Variants in SCIN observed in about 807,000 individuals in gnomAD.
The protein encoded by SCIN is adseverin.
Under a neutral mutation model 91.8 loss-of-function variants are expected in SCIN, and 91 were observed. The ratio of observed to expected loss-of-function variants is 0.99; its 90% CI spans 0.84 to 1.18. The LOEUF (loss-of-function observed/expected upper bound fraction) is 1.18. SCIN is among the 50% of genes most tolerant of loss of function. The probability of loss-of-function intolerance (pLI) is 0.00; values close to 1 mark genes in which losing one functional copy is unlikely to be tolerated. For missense variants in SCIN, 1,087 were observed against 863.9 expected (o/e 1.26, Z -3.24); for synonymous variants, 367 against 312.6 (o/e 1.17, Z -1.84).
chr7:12,621,175 G>A (rs1353256230), intron 4 of SCIN, among the ~76,000 whole-genome samples: 2 of 152,002 alleles, frequency 1.3e-5, no homozygotes, highest in African/African-American at 4.8e-5. Context: ...TTAAGTGTTG[G>A]ACAACATGGT....
chr7:12,633,662 T>C (rs1159357788), intron 9 of SCIN, among the ~76,000 whole-genome samples: 1 of 152,160 alleles, frequency 6.6e-6, no homozygotes, highest in East Asian at 1.9e-4. Flanking sequence ...TGTTCGGTGG[T>C]TGGATTTCTT....
At chr7:12,605,840 C>T (rs1783071435) in intron 4 of SCIN, among the ~76,000 whole-genome samples, 1 of 152,128 alleles carries the variant, frequency 6.6e-6, no homozygotes, top group African/African-American at 2.4e-5. Flanking sequence ...ATACGCAACA[C>T]ACTTATGATT....
intron 4 of SCIN, among the ~76,000 whole-genome samples, chr7:12,607,110 A>G (rs1160508598): frequency 6.6e-6 from 1 of 152,232 alleles, no homozygotes; most frequent in Non-Finnish European, 1.5e-5. Flanking sequence ...AGAGTGTTAC[A>G]TTAACTATCG....
rs1554295412 is a variant in SCIN at position 12,625,451 on chromosome 7, T to TTC, written c.892+309_892+310insTC. 2.6e-3 allele frequency among the ~76,000 whole-genome samples: 380 copies of TTC among 146,720 alleles called. 5 individuals are homozygous for TTC. Among genetic ancestry groups the TTC allele is most frequent in the Non-Finnish European group, 4.4e-3 (290 of 66,596 alleles). ...CTATTCTTTTTTTTTTTTTTTTTTT[T>TTC]CCGTCGCCCAGGCTGGAGTGCAGCC... On this transcript the variant is annotated intron_variant, in intron 6 of 15. Transcript: ENST00000297029.
chr7:12,616,222 G>T lies in SCIN; in HGVS notation c.667-6579G>T, dbSNP rs117405259. 2.0e-4 allele frequency among the ~76,000 whole-genome samples: 31 copies of T among 152,176 alleles called. No individual in the cohort carries two copies. The East Asian group carries it at 6.0e-3, about 29-fold the overall frequency. ...AGAGACACTGTAGTGAAGCCCCAGC[G>T]GTGAGAGGAGAATGATCTTTATGGA... On this transcript the variant is annotated intron_variant, in intron 4 of 15. Transcript: ENST00000297029.
chr7:12,634,041 C>T (rs989219090), intron 9 of SCIN, among the ~76,000 whole-genome samples: 4 of 150,074 alleles, frequency 2.7e-5, no homozygotes, highest in Non-Finnish European at 5.9e-5. Context: ...GTGGAAAATT[C>T]TGTGATAAGA....
At chr7:12,652,384 T>A in intron 15 of SCIN, among the ~76,000 whole-genome samples, 1 of 152,244 alleles carries the variant, frequency 6.6e-6, no homozygotes, top group East Asian at 1.9e-4. Context: ...AAAAAGAAAT[T>A]GTATTTGTCT....
At chr7:12,592,839 G>A (rs1178227774) in intron 3 of SCIN, among the ~76,000 whole-genome samples, 1 of 152,136 alleles carries the variant, frequency 6.6e-6, no homozygotes, top group African/African-American at 2.4e-5. Context: ...AGCTGAGTAG[G>A]TGGCCCCACT....
At chr7:12,626,131 T>G (rs1783517244) in intron 7 of SCIN, 2 of 370,316 alleles carry the variant, frequency 5.4e-6, no homozygotes, top group East Asian at 5.0e-5. Context: ...TAAGAGCACT[T>G]AAGAGTTATT....
chr7:12,574,158 C>T (rs1190953018), intron 1 of SCIN, among the ~76,000 whole-genome samples: 5 of 152,138 alleles, frequency 3.3e-5, no homozygotes, highest in Non-Finnish European at 5.9e-5. Context: ...TGCTTTTCAA[C>T]AGGTGACTGG....
intron 14 of SCIN, among the ~76,000 whole-genome samples, chr7:12,650,210 A>G (rs1048157969): frequency 6.6e-6 from 1 of 152,208 alleles, no homozygotes. Context: ...TTTGTTCCCA[A>G]TTAATAAACC....
chr7:12,601,605 C>G (rs1782959431), intron 3 of SCIN, among the ~76,000 whole-genome samples: 1 of 152,104 alleles, frequency 6.6e-6, no homozygotes, highest in Non-Finnish European at 1.5e-5. Flanking sequence ...TTAATTATCT[C>G]TGTATCCCCA....
In SCIN at chr7:12,658,515, C is replaced by T. The variant is rs1784209255; in HGVS notation, c.*5800C>T. 1.3e-5 allele frequency: 2 copies of T among 152,166 alleles called. No individual in the cohort carries two copies. The highest frequency in any genetic ancestry group is 4.1e-4 in the South Asian group (2 of 4,832). The allele number at this position is 152,166 out of a possible 1,614,324, so 9.4% of individuals were successfully genotyped here. A position where few individuals can be genotyped will look rare whatever the true frequency, so the allele number is the denominator to read the frequency against. On this transcript the variant is annotated 3_prime_UTR_variant, in exon 16 of 16. Transcript: ENST00000297029. ...CCTTCTGAGAAACAATGTTGTTCCACATTTTAGAGTTTTGGCATGCATAAT... is the reference window on the plus strand; with the variant it reads ...CCTTCTGAGAAACAATGTTGTTCCATATTTTAGAGTTTTGGCATGCATAAT...
intron 2 of SCIN, among the ~76,000 whole-genome samples, chr7:12,579,354 T>C (rs1162989906): frequency 1.3e-5 from 2 of 152,216 alleles, no homozygotes; most frequent in Non-Finnish European, 2.9e-5. Context: ...CCTCTCATTT[T>C]ATTTGATTCA....
At chr7:12,578,909 G>GTTTTTTTTTGTTTTGTTTTGTTTTTTTTT (rs1782429183) in intron 2 of SCIN, among the ~76,000 whole-genome samples, 1 of 85,898 alleles carries the variant, frequency 1.2e-5, no homozygotes, top group Non-Finnish European at 2.3e-5. Flanking sequence ...TATAGGACAG[G>GTTTTTTTTTGTTTTGTTTTGTTTTTTTTT]TTTTTTTTTT....
rs546098673 is a variant in SCIN, at chr7:12,620,970, A to T, written c.667-1831A>T. On this transcript the variant is annotated intron_variant, in intron 4 of 15. Transcript: ENST00000297029. ...GTACCCCATTAAATTGTCAAAATAT[A>T]TGTTATTTCACATACAAAGGATTAC... Among the ~76,000 whole-genome samples, 10 of 152,258 alleles carry T rather than the reference A, an allele frequency of 6.6e-5. No individual in the cohort carries two copies. The South Asian group carries it at 1.5e-3, about 22-fold the overall frequency.
rs1191386847 is a variant in SCIN, at chr7:12,655,652, A to T, written c.*2937A>T. 2 of 152,174 alleles carry T rather than the reference A, an allele frequency of 1.3e-5. No homozygotes were observed. Among genetic ancestry groups the T allele is most frequent in the African/African-American group, 2.4e-5 (1 of 41,448 alleles). 9.4% of individuals were successfully genotyped at this position (152,174 alleles called of 1,614,324 possible). ...AGGTTCACCCATACACTGTTAATAG[A>T]TGTATAAACTGGTCAAAACTTTTTG... On this transcript the variant is annotated 3_prime_UTR_variant, in exon 16 of 16. Transcript: ENST00000297029.
intron 2 of SCIN, among the ~76,000 whole-genome samples, chr7:12,580,694 C>G (rs1782469597): frequency 6.6e-6 from 1 of 152,178 alleles, no homozygotes; most frequent in Admixed American, 6.5e-5. Flanking sequence ...CTGTCACCTT[C>G]TTCCCTGAAA....
At chr7:12,637,013 C>A (rs187073352) in intron 10 of SCIN, among the ~76,000 whole-genome samples, 10 of 152,086 alleles carry the variant, frequency 6.6e-5, no homozygotes, top group African/African-American at 2.4e-4. Context: ...TTCCTAGAGC[C>A]TCTGGAAAGG....
Sources: gnomAD v4.1 joint callset for allele counts (sites outside exome capture counted in the v4.1 genomes callset) on GRCh38, gnomAD v4.1.1 for gene constraint, MANE v1.5 for transcripts, NCBI Gene and HGNC (gene_info 2026-07-23, HGNC 2026-07-21) for gene names.